SUPT20H: variants seen among roughly 807,000 people sequenced by gnomAD.
SUPT20H encodes transcription factor SPT20 homolog.
In SUPT20H, 82 loss-of-function variants were observed where a neutral mutation model predicts 122.8. The ratio of observed to expected loss-of-function variants is 0.67; its 90% CI spans 0.56 to 0.80. The LOEUF is 0.80. SUPT20H is among the 30% of genes least tolerant of loss of function. The probability of loss-of-function intolerance (pLI) is 0.00; values close to 1 mark genes in which losing one functional copy is unlikely to be tolerated. For synonymous variants in SUPT20H, 291 were observed against 313.0 expected, an observed-to-expected ratio of 0.93 and a Z score of 0.74; for missense variants, 831 against 921.6, an observed-to-expected ratio of 0.90 and a Z score of 1.27.
At chr13:37,054,212 C>A (rs962774000) in intron 1 of SUPT20H, among the ~76,000 whole-genome samples, 2 of 152,174 alleles carry the variant, frequency 1.3e-5, no homozygotes, top group Non-Finnish European at 2.9e-5. Context: ...GGTACCATTC[C>A]TTCTGAAACT....
At chr13:37,012,917 T>C (rs1392733529) in intron 23 of SUPT20H, 2 of 151,932 alleles carry the variant, frequency 1.3e-5, no homozygotes, top group Non-Finnish European at 2.9e-5. Flanking sequence ...TAATCTTAAG[T>C]CTAAGAAAAC....
chr13:37,048,717 C>G (rs1235647496), intron 2 of SUPT20H, 118 bp from the exon 3 acceptor site: 3 of 740,174 alleles, frequency 4.1e-6, no homozygotes, highest in Non-Finnish European at 6.3e-6. Flanking sequence ...CTTTATTTGT[C>G]TCCTCCACTC....
intron 1 of SUPT20H, among the ~76,000 whole-genome samples, chr13:37,054,518 C>T (rs1022930340): frequency 6.6e-6 from 1 of 152,108 alleles, no homozygotes; most frequent in Non-Finnish European, 1.5e-5. Flanking sequence ...TGACAAAAAC[C>T]ACGATTATCT....
Position 37,029,788 on chromosome 13 carries a change from G to GT in SUPT20H, c.969dup (p.Gln324ThrfsTer9), listed in dbSNP as rs767331017. On this transcript the variant is annotated frameshift_variant, in exon 13 of 26. Coordinates refer to ENST00000350612, the MANE Select transcript of SUPT20H (RefSeq NM_001014286.3). LOFTEE classifies it high-confidence loss of function. Reference sequence around the variant, plus strand: ...ACATGGGCTGGCCAGACTGTTGGCTGTGAGTCATCAGATTTGATAGACTTT... The same window carrying GT: ...ACATGGGCTGGCCAGACTGTTGGCTGTTGAGTCATCAGATTTGATAGACTTT... 1.9e-6 allele frequency: 3 copies of GT among 1,599,780 alleles called. No homozygotes were observed. The Admixed American group carries it at 5.2e-5, about 28-fold the overall frequency.
chr13:37,031,207 C>A (rs758149963), intron 12 of SUPT20H, among the ~76,000 whole-genome samples: 7 of 151,782 alleles, frequency 4.6e-5, no homozygotes, highest in Non-Finnish European at 8.8e-5. Context: ...AGTAAACAAG[C>A]ACTATTAGGA....
chr13:37,014,111 A>C (rs1054042629), intron 23 of SUPT20H, among the ~76,000 whole-genome samples: 1 of 152,108 alleles, frequency 6.6e-6, no homozygotes, highest in Non-Finnish European at 1.5e-5. Flanking sequence ...AAAGGATGAA[A>C]AAAGACGTAC....
intron 21 of SUPT20H, among the ~76,000 whole-genome samples, chr13:37,019,825 C>T (rs188309567): frequency 1.0e-3 from 152 of 152,084 alleles, no homozygotes; most frequent in African/African-American, 3.5e-3. Flanking sequence ...GTGCTTTATG[C>T]TATTTTTTTT....
At chr13:37,014,997 G>A (rs1033108412) in intron 23 of SUPT20H, among the ~76,000 whole-genome samples, 2 of 152,008 alleles carry the variant, frequency 1.3e-5, no homozygotes, top group Non-Finnish European at 2.9e-5. Flanking sequence ...AACATATAAA[G>A]CAAGTCAACA....
intron 7 of SUPT20H, among the ~76,000 whole-genome samples, chr13:37,042,360 A>G (rs2065631838): frequency 6.6e-6 from 1 of 152,196 alleles, no homozygotes; most frequent in Non-Finnish European, 1.5e-5. Context: ...GGTGAGGCAT[A>G]TAAGCAATAG....
intron 1 of SUPT20H, among the ~76,000 whole-genome samples, chr13:37,055,514 G>A (rs1454929981): frequency 1.3e-5 from 2 of 152,148 alleles, no homozygotes; most frequent in Non-Finnish European, 2.9e-5. Context: ...CAAGCAATGG[G>A]GAAAGGATTC....
At chr13:37,047,458 A>C (rs1283480640) in intron 5 of SUPT20H, 77 bp downstream of exon 5, 7 of 1,346,274 alleles carry the variant, frequency 5.2e-6, no homozygotes, top group Non-Finnish European at 6.8e-6. Flanking sequence ...CACAAAAATA[A>C]TACTCCAAAT....
At chr13:37,051,406 T>C (rs1002476575) in intron 2 of SUPT20H, 82 bp downstream of exon 2, 2 of 1,399,026 alleles carry the variant, frequency 1.4e-6, no homozygotes, top group Non-Finnish European at 2.0e-6. Context: ...TATTTCTATA[T>C]CTACCATACA....
chr13:37,028,039 A>G (rs931147138), intron 14 of SUPT20H, 109 bp downstream of exon 14: 1 of 1,026,624 alleles, frequency 9.7e-7, no homozygotes, highest in Non-Finnish European at 1.3e-6. Flanking sequence ...CTAATAAGTG[A>G]GTTCCCAAAG....
At chr13:37,010,710 G>C in intron 24 of SUPT20H, 55 bp from the exon 25 acceptor site, 3 of 1,236,330 alleles carry the variant, frequency 2.4e-6, no homozygotes, top group Non-Finnish European at 3.5e-6. Context: ...AGGCTACCAG[G>C]GTTAGAAAAG....
At chr13:37,049,521 C>G (rs568750511) in intron 2 of SUPT20H, among the ~76,000 whole-genome samples, 2 of 152,076 alleles carry the variant, frequency 1.3e-5, no homozygotes, top group Non-Finnish European at 2.9e-5. Context: ...GGGAGGATCA[C>G]CTGAGGTAAG....
chr13:37,048,315 CA>C (rs2139046107), intron 3 of SUPT20H, among the ~76,000 whole-genome samples: 1 of 152,250 alleles, frequency 6.6e-6, no homozygotes, highest in African/African-American at 2.4e-5. Flanking sequence ...CAGGAAAATA[CA>C]ATTTTAGAAA....
At chr13:37,036,842 T>C (rs1308467522) in intron 9 of SUPT20H, among the ~76,000 whole-genome samples, 1 of 152,188 alleles carries the variant, frequency 6.6e-6, no homozygotes, top group Non-Finnish European at 1.5e-5. Flanking sequence ...AATAATGTTT[T>C]CTTTTCTTTC....
chr13:37,057,008 CTGAGA>C (rs2069229519), intron 1 of SUPT20H: 3 of 152,092 alleles, frequency 2.0e-5, no homozygotes, highest in Admixed American at 1.3e-4. Context: ...AACATTTGCT[CTGAGA>C]TAAGACTGGG....
intron 16 of SUPT20H, 117 bp from the exon 17 acceptor site, chr13:37,025,554 A>G (rs2062106247): frequency 3.1e-6 from 2 of 654,998 alleles, no homozygotes; most frequent in African/African-American, 1.8e-5. Flanking sequence ...CAAAATTAAC[A>G]TAAATATTAA....
Sources: gnomAD v4.1 joint callset for allele counts (sites outside exome capture counted in the v4.1 genomes callset) on GRCh38, gnomAD v4.1.1 for gene constraint, MANE v1.5 for transcripts, NCBI Gene and HGNC (gene_info 2026-07-23, HGNC 2026-07-21) for gene names.